Variants in CSMD1 observed in about 807,000 individuals in gnomAD.
The protein encoded by CSMD1 is CUB and sushi domain-containing protein 1.
CSMD1 carries 213 observed loss-of-function variants against 417.5 expected under a neutral mutation model. The observed-to-expected ratio is 0.51, with a 90% CI of 0.46 to 0.57. The LOEUF (loss-of-function observed/expected upper bound fraction) is 0.57. Among genes scored for constraint, CSMD1 ranks in the 20% least tolerant of loss-of-function variants. The probability of loss-of-function intolerance (pLI) is 0.00; values close to 1 mark genes in which losing one functional copy is unlikely to be tolerated. For synonymous variants in CSMD1, 2,862 were observed against 1,736.8 expected, an observed-to-expected ratio of 1.65 and a Z score of -16.11; for missense variants, 6,923 against 4,529.7, an observed-to-expected ratio of 1.53 and a Z score of -15.17.
chr8:3,933,586 G>C (rs552874139), intron 5 of CSMD1, among the ~76,000 whole-genome samples: 53 of 152,256 alleles, frequency 3.5e-4, no homozygotes, highest in African/African-American at 1.2e-3. Context: ...AAATATAGGA[G>C]TGTGTAGAAC....
chr8:3,166,297 G>A (rs536482230), intron 37 of CSMD1, among the ~76,000 whole-genome samples: 94 of 152,152 alleles, frequency 6.2e-4, no homozygotes, highest in African/African-American at 2.2e-3. Flanking sequence ...TTGGGAGGCC[G>A]AGGCAGGCAG....
At chr8:2,949,179 GTC>G in intron 68 of CSMD1, 118 bp downstream of exon 68, 3 of 606,190 alleles carry the variant, frequency 4.9e-6, no homozygotes, top group East Asian at 3.0e-5. Flanking sequence ...AAATATGTTA[GTC>G]TCTCTCATTA....
chr8:4,163,139 G>C (rs577215088), intron 3 of CSMD1, among the ~76,000 whole-genome samples: 212 of 152,314 alleles, frequency 1.4e-3, no homozygotes, highest in South Asian at 3.1e-3. Context: ...ACCTACCGAA[G>C]TACACTTTGG....
At chr8:4,627,652 T>C (rs1802197702) in intron 2 of CSMD1, among the ~76,000 whole-genome samples, 1 of 152,080 alleles carries the variant, frequency 6.6e-6, no homozygotes, top group African/African-American at 2.4e-5. Context: ...CACCTCCCAT[T>C]CCTGGTCACT....
intron 1 of CSMD1, among the ~76,000 whole-genome samples, chr8:4,742,102 C>G (rs1810651050): frequency 1.4e-5 from 2 of 138,408 alleles, no homozygotes; most frequent in South Asian, 4.9e-4. Flanking sequence ...GCAATCTCGG[C>G]TCACTGCAAG....
intron 2 of CSMD1, among the ~76,000 whole-genome samples, chr8:4,486,204 CATATATATATATATATATATACAT>C (rs1801393971): frequency 5.9e-5 from 1 of 16,912 alleles, no homozygotes; most frequent in African/African-American, 1.7e-4. Context: ...TATATACATA[CATATATATATATATATATATACAT>C]ACATATATAT....
chr8:3,539,788 G>C (rs1314571048), intron 10 of CSMD1, among the ~76,000 whole-genome samples: 1 of 146,702 alleles, frequency 6.8e-6, no homozygotes, highest in African/African-American at 2.5e-5. Context: ...ACACAAGAAA[G>C]AAAATGCCTA....
intron 1 of CSMD1, among the ~76,000 whole-genome samples, chr8:4,725,501 G>A (rs1809369222): frequency 6.6e-6 from 1 of 152,060 alleles, no homozygotes; most frequent in Non-Finnish European, 1.5e-5. Flanking sequence ...GCTCCACAAG[G>A]GCATATCGCA....
At chr8:4,498,670 T>C (rs564503580) in intron 2 of CSMD1, among the ~76,000 whole-genome samples, 1 of 152,186 alleles carries the variant, frequency 6.6e-6, no homozygotes, top group Non-Finnish European at 1.5e-5. Flanking sequence ...AGGGAGCTCA[T>C]GTTTATCGAG....
intron 3 of CSMD1, among the ~76,000 whole-genome samples, chr8:4,054,954 A>C (rs972633916): frequency 1.3e-5 from 2 of 152,202 alleles, no homozygotes; most frequent in Non-Finnish European, 2.9e-5. Context: ...AGAGACATCA[A>C]AAGTTTTCAC....
chr8:4,117,199 T>A (rs940680774), intron 3 of CSMD1, among the ~76,000 whole-genome samples: 1 of 151,488 alleles, frequency 6.6e-6, no homozygotes, highest in Admixed American at 6.7e-5. Context: ...GTTGCTGGAA[T>A]GGCTTCCAAG....
intron 2 of CSMD1, among the ~76,000 whole-genome samples, chr8:4,508,048 A>G (rs1802619683): frequency 6.6e-6 from 1 of 150,678 alleles, no homozygotes; most frequent in Non-Finnish European, 1.5e-5. Flanking sequence ...TCCCTATTAA[A>G]TGAGCATCTG....
intron 1 of CSMD1, among the ~76,000 whole-genome samples, chr8:4,697,415 T>C (rs1229210435): frequency 6.6e-6 from 1 of 152,138 alleles, no homozygotes; most frequent in Non-Finnish European, 1.5e-5. Flanking sequence ...AATTAGTGTA[T>C]TTGGGCATGC....
chr8:4,652,950 G>A (rs1347388322), intron 1 of CSMD1, among the ~76,000 whole-genome samples: 1 of 151,442 alleles, frequency 6.6e-6, no homozygotes, highest in African/African-American at 2.5e-5. Flanking sequence ...GATAGGGAGT[G>A]GCTGGAAATA....
chr8:3,582,606 G>A (rs546978457), intron 9 of CSMD1, among the ~76,000 whole-genome samples: 5 of 152,258 alleles, frequency 3.3e-5, no homozygotes, highest in East Asian at 1.9e-4. Context: ...CTAGCCACAC[G>A]TGGCTACTGA....
At chr8:4,130,300 G>A (rs1394476962) in intron 3 of CSMD1, among the ~76,000 whole-genome samples, 2 of 151,956 alleles carry the variant, frequency 1.3e-5, no homozygotes, top group Non-Finnish European at 2.9e-5. Context: ...TCTTTATTCT[G>A]GTATAATCCC....
intron 10 of CSMD1, among the ~76,000 whole-genome samples, chr8:3,514,943 T>C (rs1440204542): frequency 6.6e-6 from 1 of 152,214 alleles, no homozygotes; most frequent in Non-Finnish European, 1.5e-5. Context: ...TGTATTTGAA[T>C]TGATAAATAT....
chr8:4,598,247 C>G (rs892203947), intron 2 of CSMD1, among the ~76,000 whole-genome samples: 1 of 152,130 alleles, frequency 6.6e-6, no homozygotes, highest in Admixed American at 6.5e-5. Context: ...CTAATTTATG[C>G]CACACTCACC....
chr8:3,000,127 G>A lies in CSMD1; in HGVS notation c.8034C>T (p.Gly2678=), dbSNP rs770649249. 3 of 1,535,714 alleles carry A rather than the reference G, an allele frequency of 2.0e-6. No homozygotes were observed. Among genetic ancestry groups the A allele is most frequent in the South Asian group, 1.3e-5 (1 of 77,576 alleles). The part of the protein sequence containing the change: ...WSGSETRCLA[G]HCGSPDPIVN... ...CAATCGGGTCTGGGGAACCGCAGTG[G>A]CCAGCTAAAAATGTTAAACCAATTT... The change falls in exon 53 of 70, where the codon GGC becomes GGT. Residue 2678 remains glycine (G), a synonymous_variant. Transcript: ENST00000635120.
Sources: allele counts gnomAD v4.1 joint callset (sites outside exome capture counted in the v4.1 genomes callset), GRCh38; gene constraint gnomAD v4.1.1; transcripts MANE v1.5; gene names NCBI Gene and HGNC (gene_info 2026-07-23, HGNC 2026-07-21).